Variants in SMYD3 observed in about 807,000 individuals in gnomAD.
SMYD3 encodes SET and MYND domain containing 3.
Under a neutral mutation model 57.7 loss-of-function variants are expected in SMYD3, and 36 were observed. That is an observed-to-expected ratio of 0.62 (90% CI 0.48 to 0.82). The LOEUF (loss-of-function observed/expected upper bound fraction) is 0.82, where lower values mean the gene tolerates loss of function less well. SMYD3 is among the 40% of genes least tolerant of loss of function. SMYD3 has a pLI of 0.00. For synonymous variants in SMYD3, 211 were observed against 195.0 expected (o/e 1.08, Z -0.68); for missense variants, 515 against 538.8 (o/e 0.96, Z 0.44).
intron 5 of SMYD3, among the ~76,000 whole-genome samples, chr1:246,107,241 T>C (rs4654201): frequency 0.47 from 70,963 of 150,668 alleles, 20,709 homozygotes; most frequent in Non-Finnish European, 0.66. Context: ...GAGCCGAGAT[T>C]GCGCCACTGC....
At chr1:246,482,483 G>A (rs1364097335) in intron 1 of SMYD3, among the ~76,000 whole-genome samples, 4 of 151,860 alleles carry the variant, frequency 2.6e-5, no homozygotes, top group African/African-American at 4.8e-5. Flanking sequence ...AATGGTTGAC[G>A]AAAGCCACTC....
At chr1:246,042,755 AG>A (rs11355012) in intron 5 of SMYD3, among the ~76,000 whole-genome samples, 51,805 of 151,796 alleles carry the variant, frequency 0.34, 10,098 homozygotes, top group East Asian at 0.8. Context: ...CACACTTCAA[AG>A]CCTTTCTGAA....
intron 5 of SMYD3, among the ~76,000 whole-genome samples, chr1:246,139,389 A>G (rs1053794803): frequency 6.6e-6 from 1 of 152,146 alleles, no homozygotes; most frequent in African/African-American, 2.4e-5. Context: ...ATCCAATCAT[A>G]TTGTCTAATA....
At chr1:246,342,938 T>G (rs1180476359) in intron 2 of SMYD3, among the ~76,000 whole-genome samples, 2 of 152,198 alleles carry the variant, frequency 1.3e-5, no homozygotes, top group African/African-American at 4.8e-5. Flanking sequence ...TAAAATTCAT[T>G]TTACATTTTT....
intron 5 of SMYD3, among the ~76,000 whole-genome samples, chr1:246,088,788 C>A (rs2060772037): frequency 6.6e-6 from 1 of 152,002 alleles, no homozygotes; most frequent in Non-Finnish European, 1.5e-5. Context: ...TATATTACAT[C>A]CCCTTCTAAT....
chr1:246,130,618 T>C (rs1398339237), intron 5 of SMYD3, among the ~76,000 whole-genome samples: 1 of 151,932 alleles, frequency 6.6e-6, no homozygotes, highest in African/African-American at 2.4e-5. Context: ...AGAATTTTAA[T>C]GTCTCCCTAA....
rs1485807199 is a variant in SMYD3 at position 245,774,754 on chromosome 1, G to A, written c.1077-10605C>T. On this transcript the variant is annotated intron_variant, in intron 10 of 11. Coordinates refer to ENST00000490107, the MANE Select transcript of SMYD3 (RefSeq NM_001167740.2). ...CACGGTCTCCCTCTGATGCTGAGCCGAAGCTGGACTGTACTGCTGCCATCT... is the reference window on the plus strand; with the variant it reads ...CACGGTCTCCCTCTGATGCTGAGCCAAAGCTGGACTGTACTGCTGCCATCT... 8.0e-5 allele frequency among the ~76,000 whole-genome samples: 12 copies of A among 150,232 alleles called. No homozygotes were observed. The East Asian group carries it at 1.2e-3, about 15-fold the overall frequency.
At chr1:246,462,958 G>A (rs932808347) in intron 1 of SMYD3, among the ~76,000 whole-genome samples, 1 of 152,054 alleles carries the variant, frequency 6.6e-6, no homozygotes, top group African/African-American at 2.4e-5. Context: ...TGAGAAACTG[G>A]GGGCCTGAAC....
intron 5 of SMYD3, among the ~76,000 whole-genome samples, chr1:246,067,899 GCCACACTCTCCGGCA>G (rs2060371457): frequency 6.6e-6 from 1 of 152,092 alleles, no homozygotes; most frequent in Non-Finnish European, 1.5e-5. Flanking sequence ...AGTTCGAAAG[GCCACACTCTCCGGCA>G]CCGACTGAGT....
intron 10 of SMYD3, among the ~76,000 whole-genome samples, chr1:245,777,972 C>G (rs144363059): frequency 9.2e-5 from 14 of 152,182 alleles, no homozygotes; most frequent in African/African-American, 1.7e-4. Context: ...CCCCCACCCC[C>G]CAAAGAAATA....
At chr1:246,097,676 C>T (rs529557551) in intron 5 of SMYD3, among the ~76,000 whole-genome samples, 2 of 152,064 alleles carry the variant, frequency 1.3e-5, no homozygotes, top group African/African-American at 4.8e-5. Flanking sequence ...GTACCACTGC[C>T]TGAGAAGTCA....
intron 8 of SMYD3, among the ~76,000 whole-genome samples, chr1:245,880,633 A>G (rs1197887445): frequency 6.6e-6 from 1 of 152,230 alleles, no homozygotes; most frequent in Non-Finnish European, 1.5e-5. Flanking sequence ...CAGCTGAGAA[A>G]GACAGGTTAA....
chr1:246,336,072 T>C (rs774672650), intron 2 of SMYD3, among the ~76,000 whole-genome samples: 7 of 152,206 alleles, frequency 4.6e-5, no homozygotes, highest in Non-Finnish European at 1.0e-4. Flanking sequence ...TAAATATTAA[T>C]AGTGCCCCTT....
chr1:245,788,223 G>C (rs575150151), intron 10 of SMYD3, among the ~76,000 whole-genome samples: 1 of 151,878 alleles, frequency 6.6e-6, no homozygotes, highest in African/African-American at 2.4e-5. Context: ...CAGGGAACAG[G>C]GCAAGGAGAA....
chr1:246,335,158 A>G (rs896823354), intron 3 of SMYD3, among the ~76,000 whole-genome samples: 1 of 152,206 alleles, frequency 6.6e-6, no homozygotes, highest in Non-Finnish European at 1.5e-5. Flanking sequence ...AATGCTACTG[A>G]ACACTTAATA....
chr1:246,319,041 C>G (rs2065207492), intron 5 of SMYD3, among the ~76,000 whole-genome samples: 1 of 152,178 alleles, frequency 6.6e-6, no homozygotes, highest in South Asian at 2.1e-4. Flanking sequence ...GCCCAAGTGT[C>G]CTACAAACAT....
At chr1:246,223,722 A>T (rs1384541521) in intron 5 of SMYD3, among the ~76,000 whole-genome samples, 1 of 152,070 alleles carries the variant, frequency 6.6e-6, no homozygotes, top group Non-Finnish European at 1.5e-5. Flanking sequence ...ACTTTGTAGG[A>T]CTACTACCCC....
At chr1:246,311,562 G>A (rs1572366192) in intron 5 of SMYD3, among the ~76,000 whole-genome samples, 1 of 152,222 alleles carries the variant, frequency 6.6e-6, no homozygotes, top group East Asian at 1.9e-4. Flanking sequence ...TACCAAATCA[G>A]AATAACTTAC....
chr1:246,256,346 C>G (rs1355788963), intron 5 of SMYD3, among the ~76,000 whole-genome samples: 1 of 152,230 alleles, frequency 6.6e-6, no homozygotes, highest in African/African-American at 2.4e-5. Flanking sequence ...AACACCCTCA[C>G]AGACACACCC....
Sources: gnomAD v4.1 joint callset for allele counts (sites outside exome capture counted in the v4.1 genomes callset) on GRCh38, gnomAD v4.1.1 for gene constraint, MANE v1.5 for transcripts, NCBI Gene and HGNC (gene_info 2026-07-23, HGNC 2026-07-21) for gene names.